FGF13: variants seen among roughly 807,000 people sequenced by gnomAD.
FGF13 encodes fibroblast growth factor homologous factor 2.
FGF13 carries 2 observed loss-of-function variants against 19.5 expected under a neutral mutation model. The observed-to-expected ratio is 0.10, with a 90% CI of 0.04 to 0.32. The LOEUF is 0.32. Among genes scored for constraint, FGF13 ranks in the 10% least tolerant of loss-of-function variants. The probability of loss-of-function intolerance (pLI) is 1.00; values close to 1 mark genes in which losing one functional copy is unlikely to be tolerated. For synonymous variants in FGF13, 72 were observed against 76.9 expected (o/e 0.94, Z 0.33); for missense variants, 113 against 192.7 (o/e 0.59, Z 2.45).
chrX:138,955,709 A>G (rs979471035), intron 1 of FGF13, among the ~76,000 whole-genome samples: 4 of 112,148 alleles, frequency 3.6e-5, no homozygotes, highest in African/African-American at 1.3e-4. Context: ...ATCTCTAAGT[A>G]GGTCTCTGGT....
chrX:139,010,676 A>G (rs1740323979), intron 1 of FGF13, among the ~76,000 whole-genome samples: 1 of 111,620 alleles, frequency 9.0e-6, no homozygotes, highest in South Asian at 3.8e-4. Flanking sequence ...GAAAGTTCAT[A>G]GCATTAAATG....
intron 1 of FGF13, among the ~76,000 whole-genome samples, chrX:138,736,189 G>C (rs1448593183): frequency 8.9e-6 from 1 of 111,805 alleles, no homozygotes; most frequent in Non-Finnish European, 1.9e-5. Context: ...CTTCTCAAGA[G>C]CTTAGCTGCT....
At chrX:138,996,457 C>T (rs894274915) in intron 1 of FGF13, among the ~76,000 whole-genome samples, 1 of 113,061 alleles carries the variant, frequency 8.8e-6, no homozygotes, top group African/African-American at 3.2e-5. Context: ...TCGCTGCTAG[C>T]GCAGCAGTCT....
chrX:138,661,984 C>A (rs951393250), intron 3 of FGF13, among the ~76,000 whole-genome samples: 1 of 111,772 alleles, frequency 8.9e-6, no homozygotes, highest in East Asian at 2.8e-4. Context: ...AATAAAAATT[C>A]TAATCTGCAT....
At chrX:139,187,096 A>G (rs1168854092) in intron 1 of FGF13, among the ~76,000 whole-genome samples, 1 of 112,939 alleles carries the variant, frequency 8.9e-6, no homozygotes, top group African/African-American at 3.2e-5. Context: ...ATCAAGCTTG[A>G]CAGAGAGCCA....
At chrX:138,872,006 G>A (rs767044802) in intron 1 of FGF13, among the ~76,000 whole-genome samples, 2 of 111,923 alleles carry the variant, frequency 1.8e-5, no homozygotes, top group Admixed American at 9.5e-5. Flanking sequence ...ACTGCAGGGC[G>A]CAAAGATGGA....
At position 138,635,466 on chromosome X, in the gene FGF13, G is replaced by A. The variant is rs1322103153; in HGVS notation, c.592C>T (p.Pro198Ser). The change falls in exon 4 of 5, where the codon CCA becomes TCA. Residue 198 changes from proline to serine, a missense_variant. Around this residue, in one of 4 missense-constraint regions of FGF13, gnomAD observed 43 missense variants for 41.4 expected, o/e 1.04. Transcript: ENST00000315930. The stretch of plus-strand genomic sequence containing the variant: ...ACAATATCAAATGTACCTTTCAGTG[G>A]TTTAGGCAGAAAATGAGCTGCAGGC... ...NKPAAHFLPK[P>S]LKVAMYKEPS... is the part of the protein sequence containing the mutation. 12 of 1,210,095 alleles carry A rather than the reference G, an allele frequency of 9.9e-6. No homozygotes were observed. The highest frequency in any genetic ancestry group is 1.3e-5 in the Non-Finnish European group (12 of 894,001).
At chrX:138,656,593 G>T (rs1380519449) in intron 3 of FGF13, among the ~76,000 whole-genome samples, 1 of 111,687 alleles carries the variant, frequency 9.0e-6, no homozygotes, top group Non-Finnish European at 1.9e-5. Flanking sequence ...AGCACCTTGA[G>T]GGGTTCATGA....
intron 3 of FGF13, among the ~76,000 whole-genome samples, chrX:138,810,093 C>T (rs1330866428): frequency 9.0e-6 from 1 of 111,589 alleles, no homozygotes; most frequent in Non-Finnish European, 1.9e-5. Flanking sequence ...GAAAAAACTA[C>T]TTTAAAGTTC....
At chrX:138,847,345 G>A (rs1463115817) in intron 3 of FGF13, among the ~76,000 whole-genome samples, 1 of 111,994 alleles carries the variant, frequency 8.9e-6, no homozygotes, top group Non-Finnish European at 1.9e-5. Flanking sequence ...CACTGAAGAT[G>A]TGGCCCAGTG....
chrX:138,775,228 G>C (rs2090579165), intron 3 of FGF13, among the ~76,000 whole-genome samples: 1 of 112,081 alleles, frequency 8.9e-6, no homozygotes, highest in Admixed American at 9.5e-5. Context: ...CAAAGTGCTG[G>C]GATTACAGGC....
chrX:138,879,182 C>A (rs1374093762), intron 1 of FGF13, among the ~76,000 whole-genome samples: 1 of 111,415 alleles, frequency 9.0e-6, no homozygotes, highest in Non-Finnish European at 1.9e-5. Flanking sequence ...GGAGAAATAT[C>A]TATTTAAGTC....
At chrX:138,812,744 G>A (rs986971546) in intron 3 of FGF13, among the ~76,000 whole-genome samples, 1 of 111,065 alleles carries the variant, frequency 9.0e-6, no homozygotes, top group African/African-American at 3.3e-5. Context: ...AAAAAAAATG[G>A]GATACATGTG....
intron 3 of FGF13, among the ~76,000 whole-genome samples, chrX:138,675,275 T>C (rs1221643843): frequency 9.8e-5 from 11 of 112,335 alleles, no homozygotes; most frequent in Non-Finnish European, 1.9e-4. Context: ...CAGAGCTCAT[T>C]TGTTGTAAAA....
chrX:139,055,120 T>C (rs945655310), intron 1 of FGF13, among the ~76,000 whole-genome samples: 7 of 111,344 alleles, frequency 6.3e-5, no homozygotes, highest in African/African-American at 1.3e-4. Context: ...ACAATCATAT[T>C]GTCAGCAGTG....
intron 1 of FGF13, among the ~76,000 whole-genome samples, chrX:138,928,732 C>G (rs1171953355): frequency 8.9e-6 from 1 of 112,072 alleles, no homozygotes; most frequent in Non-Finnish European, 1.9e-5. Flanking sequence ...TCACTGATGA[C>G]AAGAATTTTG....
chrX:139,188,610 T>C (rs1248337243), intron 1 of FGF13, among the ~76,000 whole-genome samples: 1 of 111,434 alleles, frequency 9.0e-6, no homozygotes, highest in Non-Finnish European at 1.9e-5. Flanking sequence ...CTTACTCAAA[T>C]CAAAACTAAA....
At chrX:138,927,413 T>C (rs900933403) in intron 1 of FGF13, among the ~76,000 whole-genome samples, 2 of 111,772 alleles carry the variant, frequency 1.8e-5, no homozygotes, top group African/African-American at 3.3e-5. Context: ...CTGTGCTCCA[T>C]GAAATAGACC....
At chrX:138,825,029 G>A (rs1241488317) in intron 3 of FGF13, among the ~76,000 whole-genome samples, 1 of 111,873 alleles carries the variant, frequency 8.9e-6, no homozygotes, top group African/African-American at 3.3e-5. Flanking sequence ...TAAAGAGGAT[G>A]ACTCTAGGAT....
Sources: gnomAD v4.1 joint callset for allele counts (sites outside exome capture counted in the v4.1 genomes callset) on GRCh38, gnomAD v4.1.1 for gene constraint, gnomAD v4.1.1 regional missense constraint, MANE v1.5 for transcripts, NCBI Gene and HGNC (gene_info 2026-07-23, HGNC 2026-07-21) for gene names.